Variants in IL1R1 observed in about 807,000 individuals in gnomAD.
IL1R1 encodes the protein interleukin 1 receptor type 1, also known as interleukin-1 receptor type 1.
IL1R1 carries 22 observed loss-of-function variants against 50.2 expected under a neutral mutation model. The observed-to-expected ratio is 0.44, with a 90% CI of 0.31 to 0.63. The LOEUF is 0.63. IL1R1 is among the 20% of genes least tolerant of loss of function. The pLI is 0.07. For missense variants in IL1R1, 509 were observed against 676.2 expected (o/e 0.75, Z 2.74); for synonymous variants, 251 against 236.7 (o/e 1.06, Z -0.55).
chr2:102,172,949 T>A, intron 9 of IL1R1, 111 bp downstream of exon 9: 2 of 710,114 alleles, frequency 2.8e-6, no homozygotes, highest in Admixed American at 2.7e-5. Flanking sequence ...ACTTCCTCAT[T>A]ACTTGGGTAA....
Position 102,112,162 on chromosome 2 carries a change from T to G in IL1R1, c.-84+7290T>G, listed in dbSNP as rs971187504. ...GGTGGGCTCTCTACCAGTCTTAGGG[T>G]CTTGGTGGCTCTAAGCCCAGAGGTG... is the stretch of plus-strand genomic sequence containing the variant. On this transcript the variant is annotated intron_variant, in intron 1 of 10. Transcript: ENST00000409329. 2.8e-4 allele frequency among the ~76,000 whole-genome samples: 43 copies of G among 151,940 alleles called. 1 individual carries two copies. Among genetic ancestry groups the G allele is most frequent in the South Asian group, 2.1e-4 (1 of 4,782 alleles).
chr2:102,073,366 G>A (rs1218599784), intron 1 of IL1R1, among the ~76,000 whole-genome samples: 1 of 152,140 alleles, frequency 6.6e-6, no homozygotes, highest in Non-Finnish European at 1.5e-5. Context: ...AGTCCACTAG[G>A]CAAAGTGCTG....
chr2:102,156,324 G>A (rs777067984), intron 2 of IL1R1: 2 of 152,638 alleles, frequency 1.3e-5, no homozygotes, highest in Non-Finnish European at 2.9e-5. Flanking sequence ...AGAGTTAAAA[G>A]ATATTGAAGG....
rs745816568 is a variant in IL1R1 at position 102,146,152 on chromosome 2, C to G, written c.-84+3132C>G. Among the ~76,000 whole-genome samples the G allele has an allele frequency of 1.3e-5, 2 of 152,040 alleles. 1 individual carries two copies. Among genetic ancestry groups the G allele is most frequent in the Admixed American group, 1.3e-4 (2 of 15,264 alleles). On this transcript the variant is annotated intron_variant, in intron 1 of 11. Coordinates refer to ENST00000410023, the MANE Select transcript of IL1R1 (RefSeq NM_000877.4). Reference sequence around the variant, plus strand: ...ACAGGAAGAGTCTAGCCATGCTGGTCTCTGCACATTTGGCGTCCCAAATGT... The same window carrying G: ...ACAGGAAGAGTCTAGCCATGCTGGTGTCTGCACATTTGGCGTCCCAAATGT...
chr2:102,099,487 C>A (rs1411709499), intron 1 of IL1R1, among the ~76,000 whole-genome samples: 3 of 152,140 alleles, frequency 2.0e-5, no homozygotes, highest in Non-Finnish European at 2.9e-5. Context: ...GGTTAGGGTA[C>A]CATGGCTCCT....
intron 1 of IL1R1, among the ~76,000 whole-genome samples, chr2:102,146,679 A>G (rs1683150802): frequency 6.6e-6 from 1 of 152,232 alleles, no homozygotes; most frequent in African/African-American, 2.4e-5. Context: ...TTGTGCCAAC[A>G]ATATATGTAT....
At chr2:102,083,336 T>C (rs1237975641) in intron 1 of IL1R1, among the ~76,000 whole-genome samples, 1 of 152,184 alleles carries the variant, frequency 6.6e-6, no homozygotes, top group Admixed American at 6.5e-5. Context: ...AATAGAACTT[T>C]TTTTTTCCTT....
rs941674331 is a variant in IL1R1, at chr2:102,177,763, C to T, written c.*1004C>T. ...TCCTCCCTGGCATGACCATCCTGTCCTTTGTTATTATCCTGCATTTTACGT... is the reference window on the plus strand; with the variant it reads ...TCCTCCCTGGCATGACCATCCTGTCTTTTGTTATTATCCTGCATTTTACGT... On this transcript the variant is annotated 3_prime_UTR_variant, in exon 12 of 12. Coordinates refer to ENST00000410023, the MANE Select transcript of IL1R1 (RefSeq NM_000877.4). 1 of 152,412 alleles carries T rather than the reference C, an allele frequency of 6.6e-6. No individual in the cohort carries two copies. The highest frequency in any genetic ancestry group is 1.5e-5 in the Non-Finnish European group (1 of 68,128). The allele number at this position is 152,412 out of a possible 1,614,324, so 9.4% of individuals were successfully genotyped here. A position where few individuals can be genotyped will look rare whatever the true frequency, so the allele number is the denominator to read the frequency against.
At chr2:102,106,205 T>A (rs1052499034) in intron 1 of IL1R1, among the ~76,000 whole-genome samples, 1 of 152,118 alleles carries the variant, frequency 6.6e-6, no homozygotes, top group Non-Finnish European at 1.5e-5. Context: ...CATTCACCCA[T>A]GAGACAGCTG....
chr2:102,099,004 T>TACC (rs1321839182), intron 1 of IL1R1, among the ~76,000 whole-genome samples: 7 of 152,184 alleles, frequency 4.6e-5, no homozygotes, highest in African/African-American at 1.4e-4. Flanking sequence ...ATATAATGAA[T>TACC]ACCAGTAAGA....
chr2:102,071,092 A>C (rs1053891585), intron 1 of IL1R1, among the ~76,000 whole-genome samples: 23 of 152,202 alleles, frequency 1.5e-4, no homozygotes, highest in South Asian at 4.1e-4. Context: ...ATTATGTGTT[A>C]TATCATGATT....
At chr2:102,120,802 C>G (rs72820106) in intron 1 of IL1R1, among the ~76,000 whole-genome samples, 28,010 of 152,128 alleles carry the variant, frequency 0.18, 2,712 homozygotes, top group South Asian at 0.21. Context: ...TGGATTTGTT[C>G]CTAGATACAC....
chr2:102,074,491 T>A (rs1678878244), intron 1 of IL1R1, among the ~76,000 whole-genome samples: 1 of 152,166 alleles, frequency 6.6e-6, no homozygotes, highest in African/African-American at 2.4e-5. Flanking sequence ...AGTTTGGGGC[T>A]CCTAAAAGTG....
chr2:102,170,163 T>G (rs954566519), intron 7 of IL1R1, among the ~76,000 whole-genome samples: 2 of 152,252 alleles, frequency 1.3e-5, no homozygotes, highest in African/African-American at 4.8e-5. Flanking sequence ...TATAGTACCC[T>G]GTCATAGGAT....
intron 1 of IL1R1, among the ~76,000 whole-genome samples, chr2:102,097,234 G>A (rs1001842957): frequency 1.3e-5 from 2 of 152,098 alleles, no homozygotes; most frequent in Non-Finnish European, 2.9e-5. Context: ...TCACATATAA[G>A]AGAAAGATAG....
At position 102,157,760 on chromosome 2, in the gene IL1R1, TCTA is replaced by T. The variant is rs758552852; in HGVS notation, c.39_41del (p.Leu14del). 6.2e-7 allele frequency: 1 copy of T among 1,603,874 alleles called. No homozygotes were observed. The highest frequency in any genetic ancestry group is 8.5e-7 in the Non-Finnish European group (1 of 1,171,042). On this transcript the variant is annotated inframe_deletion, in exon 3 of 12. Coordinates refer to ENST00000410023, the MANE Select transcript of IL1R1 (RefSeq NM_000877.4). The stretch of plus-strand genomic sequence containing the variant: ...TACTCAGACTTATTTGTTTCATAGC[TCTA>T]CTGATTTCTTCTCTGGAGGCTGGTA...
intron 1 of IL1R1, among the ~76,000 whole-genome samples, chr2:102,124,373 T>A (rs578204354): frequency 2.0e-5 from 3 of 151,554 alleles, no homozygotes; most frequent in Admixed American, 1.3e-4. Flanking sequence ...TGAGCTGAGA[T>A]TGCGCCACTG....
At chr2:102,166,605 T>A (rs895118178) in intron 6 of IL1R1, among the ~76,000 whole-genome samples, 2 of 152,170 alleles carry the variant, frequency 1.3e-5, no homozygotes, top group African/African-American at 4.8e-5. Flanking sequence ...TATGGGAATG[T>A]TCTGAGAGCC....
intron 1 of IL1R1, among the ~76,000 whole-genome samples, chr2:102,151,586 G>T (rs1683655676): frequency 6.6e-6 from 1 of 152,242 alleles, no homozygotes; most frequent in Admixed American, 6.5e-5. Flanking sequence ...CCTGGCCCAG[G>T]TAGGGAAGGC....
Sources: gnomAD v4.1 joint callset for allele counts (sites outside exome capture counted in the v4.1 genomes callset) on GRCh38, gnomAD v4.1.1 for gene constraint, MANE v1.5 for transcripts, NCBI Gene and HGNC (gene_info 2026-07-23, HGNC 2026-07-21) for gene names.